Variants in OTOA observed in about 807,000 individuals in gnomAD.
OTOA encodes the protein otoancorin.
OTOA carries 70 observed loss-of-function variants against 110.8 expected under a neutral mutation model. The observed-to-expected ratio is 0.63, with a 90% CI of 0.52 to 0.77. The LOEUF is 0.77. OTOA is among the 30% of genes least tolerant of loss of function. The probability of loss-of-function intolerance (pLI) is 0.00; values close to 1 mark genes in which losing one functional copy is unlikely to be tolerated. For missense variants in OTOA, 917 were observed against 1,075.8 expected, an observed-to-expected ratio of 0.85 and a Z score of 2.06; for synonymous variants, 373 against 431.5, an observed-to-expected ratio of 0.86 and a Z score of 1.68.
At position 21,674,494 on chromosome 16, in the gene OTOA, C is replaced by T. The variant is rs569496489; in HGVS notation, c.-4-4017C>T. On this transcript the variant is annotated intron_variant, in intron 1 of 28. Transcript: ENST00000646100. ...GACTACAGGCATGAGCCACCATGCC[C>T]GGCTAATATTTGTATTTTTAGTAGA... Among the ~76,000 whole-genome samples the T allele has an allele frequency of 2.3e-3, 350 of 151,890 alleles. 3 individuals carry two copies. Among genetic ancestry groups the T allele is most frequent in the African/African-American group, 8.0e-3 (333 of 41,426 alleles).
chr16:21,682,473 T>A (rs1007610622), intron 6 of OTOA, among the ~76,000 whole-genome samples: 2 of 152,238 alleles, frequency 1.3e-5, no homozygotes, highest in African/African-American at 4.8e-5. Flanking sequence ...GATATAGTGA[T>A]CAGTCTTTCT....
At chr16:21,668,604 G>T (rs548074052) in intron 1 of OTOA, among the ~76,000 whole-genome samples, 2 of 151,364 alleles carry the variant, frequency 1.3e-5, no homozygotes, top group Non-Finnish European at 1.5e-5. Context: ...GGGATTATTA[G>T]CATGCGCCAC....
chr16:21,699,368 G>A (rs1033953954), intron 10 of OTOA, among the ~76,000 whole-genome samples: 2 of 152,192 alleles, frequency 1.3e-5, no homozygotes, highest in African/African-American at 4.8e-5. Flanking sequence ...GGCTGCCGTG[G>A]CCCATGCCAG....
chr16:21,665,971 C>A (rs758335284), intron 1 of OTOA, among the ~76,000 whole-genome samples: 34 of 152,176 alleles, frequency 2.2e-4, no homozygotes, highest in Admixed American at 2.0e-3. Flanking sequence ...GCTAGGGCTA[C>A]AAGCATGCAC....
intron 10 of OTOA, among the ~76,000 whole-genome samples, chr16:21,700,312 A>G (rs1041335485): frequency 1.3e-5 from 2 of 152,148 alleles, no homozygotes; most frequent in African/African-American, 4.8e-5. Context: ...CTAGAAATAA[A>G]TGTGCAAAGA....
chr16:21,735,540 T>C (rs1471136534), intron 21 of OTOA, among the ~76,000 whole-genome samples: 1 of 152,128 alleles, frequency 6.6e-6, no homozygotes, highest in Non-Finnish European at 1.5e-5. Flanking sequence ...ATATAAAGTT[T>C]AGTAAAAACT....
chr16:21,679,833 G>A (rs1966875199), intron 5 of OTOA, among the ~76,000 whole-genome samples: 1 of 152,132 alleles, frequency 6.6e-6, no homozygotes, highest in African/African-American at 2.4e-5. Flanking sequence ...GCACACAATG[G>A]TGAAACTGAG....
chr16:21,695,881 ATATATATATATT>A (rs1443810310), intron 9 of OTOA, among the ~76,000 whole-genome samples: 1 of 40,636 alleles, frequency 2.5e-5, no homozygotes, highest in Non-Finnish European at 4.8e-5. Flanking sequence ...ATATATATAT[ATATATATATATT>A]TTTTTTTTTT....
chr16:21,696,623 G>T (rs892746999), intron 9 of OTOA, among the ~76,000 whole-genome samples: 13 of 152,016 alleles, frequency 8.6e-5, no homozygotes, highest in African/African-American at 3.1e-4. Context: ...AGGCTGGAAT[G>T]CAGTGATGTG....
intron 1 of OTOA, among the ~76,000 whole-genome samples, chr16:21,675,113 CTT>C (rs1966855103): frequency 8.4e-6 from 1 of 118,930 alleles, no homozygotes; most frequent in Admixed American, 8.9e-5. Flanking sequence ...TTCTTTCTTT[CTT>C]TTTCTTTCTC....
At chr16:21,716,797 T>C (rs1187506077) in intron 14 of OTOA, 110 bp from the exon 15 acceptor site, 2 of 1,292,312 alleles carry the variant, frequency 1.5e-6, no homozygotes, top group African/African-American at 1.5e-5. Flanking sequence ...CTTCCTAGGG[T>C]TGCTGAGCGG....
At chr16:21,671,564 GCAAGAGAGTAAGACTCCATAT>G (rs1966849063) in intron 1 of OTOA, among the ~76,000 whole-genome samples, 1 of 135,660 alleles carries the variant, frequency 7.4e-6, no homozygotes, top group Non-Finnish European at 1.5e-5. Context: ...TCCAGCCTGG[GCAAGAGAGTAAGACTCCATAT>G]CAAAAAAAAA....
At chr16:21,758,235 C>T (rs1900056710) in intron 28 of OTOA, among the ~76,000 whole-genome samples, 1 of 151,916 alleles carries the variant, frequency 6.6e-6, no homozygotes, top group African/African-American at 2.4e-5. Flanking sequence ...GTTCTTAACA[C>T]CACATTTGGA....
At chr16:21,680,044 G>T (rs1966876590) in intron 5 of OTOA, among the ~76,000 whole-genome samples, 1 of 152,080 alleles carries the variant, frequency 6.6e-6, no homozygotes, top group Non-Finnish European at 1.5e-5. Flanking sequence ...TAAGAAATAG[G>T]GGTCTTGGGG....
chr16:21,699,679 G>A (rs1197337460), intron 10 of OTOA, among the ~76,000 whole-genome samples: 5 of 152,156 alleles, frequency 3.3e-5, no homozygotes, highest in African/African-American at 1.2e-4. Flanking sequence ...AGCACTTTGG[G>A]AGGCTGAGGC....
intron 9 of OTOA, among the ~76,000 whole-genome samples, chr16:21,697,556 C>G (rs751163837): frequency 3.3e-5 from 5 of 152,064 alleles, no homozygotes; most frequent in Middle Eastern, 3.2e-3. Flanking sequence ...TCGCTTGAAC[C>G]GGCAGGCGGA....
rs756872311 is a variant in OTOA at position 21,687,415 on chromosome 16, C to T, written c.402C>T (p.Asp134=). ...CLLEDKKDGL[D]LKDIIIDLGE... ...CCTGGCTTCTGTCATTGCTTTAGGA[C>T]CTGAAAGACATCATCATCGACTTAG... Residue 134 remains aspartate, a splice_region_variant and synonymous_variant, in exon 8 of 29, where the codon GAC becomes GAT. Transcript: ENST00000646100. 5.0e-6 allele frequency: 8 copies of T among 1,613,754 alleles called. No individual in the cohort carries two copies. In the Admixed American group the frequency reaches 5.0e-5, roughly 10 times the overall value.
chr16:21,689,496 A>T (rs929611142), intron 8 of OTOA, among the ~76,000 whole-genome samples: 1 of 152,168 alleles, frequency 6.6e-6, no homozygotes, highest in Non-Finnish European at 1.5e-5. Flanking sequence ...AGTAAGCCCA[A>T]GTGGCAGAAA....
At chr16:21,731,705 T>C (rs939323540) in intron 21 of OTOA, among the ~76,000 whole-genome samples, 1 of 152,086 alleles carries the variant, frequency 6.6e-6, no homozygotes. Flanking sequence ...TCTCCTTCCA[T>C]GGAGGTGGAG....
Sources: gnomAD v4.1 joint callset for allele counts (sites outside exome capture counted in the v4.1 genomes callset) on GRCh38, gnomAD v4.1.1 for gene constraint, MANE v1.5 for transcripts, NCBI Gene and HGNC (gene_info 2026-07-23, HGNC 2026-07-21) for gene names.